The following UPF3A variants were observed in gnomAD, a reference collection of about 807,000 sequenced individuals.
UPF3A encodes regulator of nonsense transcripts 3A.
UPF3A carries 42 observed loss-of-function variants against 53.5 expected under a neutral mutation model. The ratio of observed to expected loss-of-function variants is 0.78; its 90% CI spans 0.61 to 1.01. The LOEUF is 1.01. UPF3A is among the 50% of genes least tolerant of loss of function. UPF3A has a pLI of 0.00. For synonymous variants in UPF3A, 237 were observed against 225.3 expected, an observed-to-expected ratio of 1.05 and a Z score of -0.47; for missense variants, 575 against 598.0, an observed-to-expected ratio of 0.96 and a Z score of 0.40.
intron 8 of UPF3A, 144 bp downstream of exon 8, chr13:114,299,144 C>T (rs2086347429): frequency 1.3e-6 from 1 of 786,858 alleles, no homozygotes. Flanking sequence ...CTTCATTTCC[C>T]ATCAGCATGG....
At chr13:114,297,125 G>A (rs2086120162) in intron 7 of UPF3A, among the ~76,000 whole-genome samples, 1 of 152,076 alleles carries the variant, frequency 6.6e-6, no homozygotes. Flanking sequence ...ATGCATCTGT[G>A]TATGGTCTTG....
chr13:114,284,093 G>A, intron 3 of UPF3A: 1 of 985,222 alleles, frequency 1.0e-6, no homozygotes, highest in Non-Finnish European at 1.2e-6. Flanking sequence ...GCCGGGCACA[G>A]TGGCTCACAC....
At chr13:114,286,136 T>A in intron 3 of UPF3A, 166 bp from the exon 4 acceptor site, 1 of 935,760 alleles carries the variant, frequency 1.1e-6, no homozygotes, top group Non-Finnish European at 1.5e-6. Flanking sequence ...TTGTAGGTTT[T>A]TTAATCTTTT....
intron 7 of UPF3A, among the ~76,000 whole-genome samples, 190 bp from the exon 8 acceptor site, chr13:114,298,650 A>C (rs2086294550): frequency 6.6e-6 from 1 of 152,218 alleles, no homozygotes; most frequent in African/African-American, 2.4e-5. Flanking sequence ...TCATGACTAA[A>C]AAATATTTCA....
Position 114,282,078 on chromosome 13 carries a change from C to G in UPF3A, c.265C>G (p.Arg89Gly). Residue 89 changes from arginine to glycine, a missense_variant, in exon 2 of 10, where the codon CGC (arginine) becomes GGC (glycine). Physicochemically the swap from Arg to Gly is moderately radical, Grantham distance 125. Around this residue, in one of 2 missense-constraint regions of UPF3A, gnomAD observed 252 missense variants for 182.7 expected, o/e 1.38. Transcript: ENST00000375299. Reference sequence around the variant, plus strand: ...CAAGGAGCAGCTGGAGGAGCAGCTGCGCCCGCTGCCAGCACACGACTACTT... The same window carrying G: ...CAAGGAGCAGCTGGAGGAGCAGCTGGGCCCGCTGCCAGCACACGACTACTT... ...LTKEQLEEQL[R>G]PLPAHDYFEF... 1 of 1,580,054 alleles carries G rather than the reference C, an allele frequency of 6.3e-7. No homozygotes were observed.
chr13:114,288,736 T>A (rs983475874), intron 5 of UPF3A, among the ~76,000 whole-genome samples: 1 of 151,838 alleles, frequency 6.6e-6, no homozygotes, highest in Admixed American at 6.6e-5. Context: ...GTGTGGGAGG[T>A]AAGGGGACAG....
intron 3 of UPF3A, 131 bp from the exon 4 acceptor site, chr13:114,286,171 A>G (rs2084668156): frequency 1.8e-6 from 2 of 1,137,748 alleles, no homozygotes; most frequent in Non-Finnish European, 2.4e-6. Flanking sequence ...TGGAAGGATG[A>G]ATTATAGTTT....
intron 7 of UPF3A, among the ~76,000 whole-genome samples, chr13:114,295,655 G>A (rs902050678): frequency 2.0e-5 from 3 of 152,192 alleles, no homozygotes; most frequent in Admixed American, 2.0e-4. Context: ...GCTACCTGAG[G>A]TTATCTTATT....
chr13:114,282,729 A>G lies in UPF3A; in HGVS notation c.315-108A>G, dbSNP rs1166621812. On this transcript the variant is annotated intron_variant, in intron 2 of 9. Coordinates refer to ENST00000375299, the MANE Select transcript of UPF3A (RefSeq NM_023011.4). ...CAATTAACTGAGATGATTTGGCACAAAAGTTTTATCTAAAGTAGTTTGTTG... is the reference window on the plus strand; with the variant it reads ...CAATTAACTGAGATGATTTGGCACAGAAGTTTTATCTAAAGTAGTTTGTTG... The G allele has an allele frequency of 2.7e-6, 4 of 1,508,100 alleles. No homozygotes were observed. The Admixed American group carries it at 7.9e-5, about 30-fold the overall frequency. The allele number at this position is 1,508,100 out of a possible 1,614,324, so 93.4% of individuals were successfully genotyped here.
rs762614352 is a variant in UPF3A at position 114,291,720 on chromosome 13, A to C, written c.774A>C (p.Arg258Ser). Residue 258 changes from arginine to serine, a missense_variant, in exon 7 of 10, where the codon AGA (arginine) becomes AGC (serine). Arg to Ser is a moderately radical substitution (Grantham distance 110). This residue lies in a region of UPF3A where 323 missense variants were observed against 415.2 expected (regional missense o/e 0.78). Coordinates refer to ENST00000375299, the MANE Select transcript of UPF3A (RefSeq NM_023011.4). ...GGGAAGAGGAAAAAAGAAGAAGAAG[A>C]GAAGAAGAAAGATGCAAAAAAAAAG... ...RLREEEKRRR[R>S]EEERCKKKET... 2 of 1,599,690 alleles carry C rather than the reference A, an allele frequency of 1.3e-6. No individual in the cohort carries two copies. Among genetic ancestry groups the C allele is most frequent in the South Asian group, 2.2e-5 (2 of 89,436 alleles).
chr13:114,286,473 G>C (rs754551388), intron 4 of UPF3A, 46 bp from the exon 5 acceptor site: 1 of 1,610,660 alleles, frequency 6.2e-7, no homozygotes, highest in East Asian at 2.2e-5. Flanking sequence ...TTCTCCCGTA[G>C]TTGGGAAAGA....
At chr13:114,293,246 T>A (rs2085496910) in intron 7 of UPF3A, among the ~76,000 whole-genome samples, 1 of 142,722 alleles carries the variant, frequency 7.0e-6, no homozygotes, top group Admixed American at 7.2e-5. Context: ...GAGCCGGACG[T>A]GGTGGCGTGT....
At chr13:114,286,771 T>C in intron 5 of UPF3A, 142 bp downstream of exon 5, 2 of 693,470 alleles carry the variant, frequency 2.9e-6, no homozygotes, top group East Asian at 2.8e-5. Context: ...TTTCCAGTTT[T>C]GACAAAAGAA....
chr13:114,296,390 TA>T (rs1160633320), intron 7 of UPF3A, among the ~76,000 whole-genome samples: 1 of 151,320 alleles, frequency 6.6e-6, no homozygotes, highest in Non-Finnish European at 1.5e-5. Flanking sequence ...TCAAAAAAAA[TA>T]AAAAAAATAG....
chr13:114,304,685 T>G, intron 9 of UPF3A, 104 bp from the exon 10 acceptor site: 2 of 1,474,552 alleles, frequency 1.4e-6, no homozygotes, highest in Non-Finnish European at 1.8e-6. Context: ...CTAGTTGATT[T>G]TCTTTGGACA....
At chr13:114,286,233 G>T in intron 3 of UPF3A, 69 bp from the exon 4 acceptor site, 1 of 1,593,888 alleles carries the variant, frequency 6.3e-7, no homozygotes, top group Non-Finnish European at 8.6e-7. Flanking sequence ...AGTAAGTTAG[G>T]TCATTATTTT....
rs778887885 is a variant in UPF3A at position 114,281,791 on chromosome 13, G to T, written c.152G>T (p.Gly51Val). Residue 51 changes from glycine (G) to valine (V), a missense_variant, in exon 1 of 10, where the codon GGT becomes GTT. Physicochemically the swap from Gly to Val is moderately radical, Grantham distance 109 (BLOSUM62 -3). Coordinates refer to ENST00000375299, the MANE Select transcript of UPF3A (RefSeq NM_023011.4). ...EAETPPTSSS[G>V]CGGGAGKPRE... ...GAGACGCCGCCAACTTCGTCCTCCG[G>T]TTGCGGGGGCGGTGCGGGCAAACCT... 1 of 1,556,914 alleles carries T rather than the reference G, an allele frequency of 6.4e-7. No individual in the cohort carries two copies. Among genetic ancestry groups the T allele is most frequent in the Admixed American group, 1.9e-5 (1 of 52,060 alleles).
chr13:114,300,777 G>A (rs993965352), intron 8 of UPF3A, among the ~76,000 whole-genome samples: 1 of 152,074 alleles, frequency 6.6e-6, no homozygotes, highest in African/African-American at 2.4e-5. Context: ...GATTTTAGGA[G>A]ATCTGCCTGC....
rs1385137372 is a variant in UPF3A at position 114,304,950 on chromosome 13, C to G, written c.*33C>G. Reference sequence around the variant, plus strand: ...CACGCACCTGGCCTCCATGGACGAGCAAGGGCATCCCAGAAACGTGTAAAT... The same window carrying G: ...CACGCACCTGGCCTCCATGGACGAGGAAGGGCATCCCAGAAACGTGTAAAT... On this transcript the variant is annotated 3_prime_UTR_variant, in exon 10 of 10. Coordinates refer to ENST00000375299, the MANE Select transcript of UPF3A (RefSeq NM_023011.4). 6.3e-7 allele frequency: 1 copy of G among 1,599,226 alleles called. No individual in the cohort carries two copies. Among genetic ancestry groups the G allele is most frequent in the African/African-American group, 1.3e-5 (1 of 74,458 alleles).
Sources: gnomAD v4.1 joint callset for allele counts (sites outside exome capture counted in the v4.1 genomes callset) on GRCh38, gnomAD v4.1.1 for gene constraint, gnomAD v4.1.1 regional missense constraint, MANE v1.5 for transcripts, NCBI Gene and HGNC (gene_info 2026-07-23, HGNC 2026-07-21) for gene names.